The following MECOM variants were observed in gnomAD, a reference collection of about 807,000 sequenced individuals.
MECOM encodes histone-lysine N-methyltransferase MECOM.
A neutral mutation model predicts 116.3 loss-of-function variants in MECOM; 13 were observed. That is an observed-to-expected ratio of 0.11 (90% CI 0.07 to 0.18). MECOM has a LOEUF of 0.18. MECOM is among the 10% of genes least tolerant of loss of function. The pLI is 1.00. For synonymous variants in MECOM, 528 were observed against 535.2 expected (o/e 0.99, Z 0.19); for missense variants, 1,299 against 1,509.0 (o/e 0.86, Z 2.31).
chr3:169,600,032 T>C (rs1268950512), intron 1 of MECOM, among the ~76,000 whole-genome samples: 2 of 152,082 alleles, frequency 1.3e-5, no homozygotes, highest in African/African-American at 4.8e-5. Flanking sequence ...AGTGCAGTGG[T>C]GCAATTTCAG....
At chr3:169,346,732 C>G (rs142377975) in intron 2 of MECOM, among the ~76,000 whole-genome samples, 2 of 152,026 alleles carry the variant, frequency 1.3e-5, no homozygotes, top group African/African-American at 4.8e-5. Flanking sequence ...CTCCAAGACA[C>G]TACTTAGTTA....
intron 2 of MECOM, chr3:169,145,133 G>T (rs1739397189): frequency 2.5e-6 from 2 of 804,408 alleles, no homozygotes; most frequent in African/African-American, 3.6e-5. Flanking sequence ...ATAAGATAGG[G>T]ATATTATTAA....
chr3:169,538,321 C>T (rs1179245304), intron 1 of MECOM, among the ~76,000 whole-genome samples: 3 of 152,148 alleles, frequency 2.0e-5, no homozygotes, highest in Non-Finnish European at 2.9e-5. Context: ...CCAAGGTATA[C>T]TTTTTTTGTG....
Position 169,257,594 on chromosome 3 carries a change from GCA to G in MECOM, c.376-113764_376-113763del, listed in dbSNP as rs56964345. Among the ~76,000 whole-genome samples the G allele has an allele frequency of 4.3e-3, 661 of 152,212 alleles. 11 individuals are homozygous for G. The highest frequency in any genetic ancestry group is 0.015 in the African/African-American group (639 of 41,534). ...AATCCCCAAATTCTGTGAAATTTTT[GCA>G]CAGTTTTTAGGTTCTAATTCTTCCT... On this transcript the variant is annotated intron_variant, in intron 2 of 16. Transcript: ENST00000651503.
At chr3:169,153,603 A>G (rs554497167) in intron 2 of MECOM, among the ~76,000 whole-genome samples, 47 of 152,312 alleles carry the variant, frequency 3.1e-4, no homozygotes, top group Middle Eastern at 3.4e-3. Context: ...CAATAACTCC[A>G]GGATCAGATT....
At chr3:169,096,445 A>AT (rs1393951122) in intron 12 of MECOM, among the ~76,000 whole-genome samples, 1 of 151,776 alleles carries the variant, frequency 6.6e-6, no homozygotes, top group African/African-American at 2.4e-5. Flanking sequence ...TAATTTTTGT[A>AT]TTTTTGTAGA....
chr3:169,512,467 C>T (rs1291538211), intron 1 of MECOM, among the ~76,000 whole-genome samples: 1 of 152,190 alleles, frequency 6.6e-6, no homozygotes, highest in Non-Finnish European at 1.5e-5. Flanking sequence ...AAGAACAAAT[C>T]TCCTCCAGGG....
chr3:169,483,823 A>G, intron 1 of MECOM: 2 of 1,611,908 alleles, frequency 1.2e-6, no homozygotes, highest in South Asian at 1.1e-5. Flanking sequence ...TACCTTTTGG[A>G]GAAAGGCACC....
chr3:169,453,097 T>C (rs1047572912), intron 1 of MECOM, among the ~76,000 whole-genome samples: 1 of 152,180 alleles, frequency 6.6e-6, no homozygotes, highest in Non-Finnish European at 1.5e-5. Context: ...CTTAAAACAA[T>C]TGAAAGTCAC....
At chr3:169,497,765 A>T (rs1441243114) in intron 1 of MECOM, among the ~76,000 whole-genome samples, 5 of 152,206 alleles carry the variant, frequency 3.3e-5, no homozygotes, top group Non-Finnish European at 7.3e-5. Context: ...ATGGCTTCTC[A>T]TTATGTCTAA....
intron 1 of MECOM, among the ~76,000 whole-genome samples, chr3:169,626,286 C>G (rs771049698): frequency 6.6e-6 from 1 of 152,174 alleles, no homozygotes; most frequent in African/African-American, 2.4e-5. Flanking sequence ...GGAATTCTCA[C>G]GGTAATATGT....
intron 2 of MECOM, among the ~76,000 whole-genome samples, chr3:169,371,398 G>A (rs1055484181): frequency 2.0e-5 from 3 of 151,694 alleles, no homozygotes; most frequent in Non-Finnish European, 4.4e-5. Context: ...GTACAAACTG[G>A]CACTTGTAAG....
At chr3:169,578,961 A>G (rs1360920309) in intron 1 of MECOM, among the ~76,000 whole-genome samples, 2 of 152,188 alleles carry the variant, frequency 1.3e-5, no homozygotes, top group Non-Finnish European at 2.9e-5. Context: ...GAAGTGTTGA[A>G]AGCTAGGGCA....
chr3:169,088,641 T>C (rs1164289689), intron 16 of MECOM, among the ~76,000 whole-genome samples: 5 of 152,114 alleles, frequency 3.3e-5, no homozygotes, highest in Non-Finnish European at 7.4e-5. Context: ...TATAATTACA[T>C]TGACAAAAGT....
At chr3:169,158,046 A>T (rs931127734) in intron 2 of MECOM, among the ~76,000 whole-genome samples, 1 of 150,690 alleles carries the variant, frequency 6.6e-6, no homozygotes, top group Non-Finnish European at 1.5e-5. Context: ...ATTGTGCCTT[A>T]TACAATTTTA....
chr3:169,280,890 G>A (rs1711803179), intron 2 of MECOM, among the ~76,000 whole-genome samples: 1 of 152,188 alleles, frequency 6.6e-6, no homozygotes, highest in South Asian at 2.1e-4. Context: ...AGCAGCAGAA[G>A]TGAAATCGAG....
chr3:169,597,675 C>G (rs905576698), intron 1 of MECOM, among the ~76,000 whole-genome samples: 1 of 152,182 alleles, frequency 6.6e-6, no homozygotes, highest in African/African-American at 2.4e-5. Flanking sequence ...CATTTGACCA[C>G]TCTGGGTGAT....
intron 2 of MECOM, among the ~76,000 whole-genome samples, chr3:169,321,400 C>G (rs1720829669): frequency 6.6e-6 from 1 of 152,060 alleles, no homozygotes; most frequent in African/African-American, 2.4e-5. Context: ...ATTAGCTGGG[C>G]ATGGTGGCAC....
rs1560198682 is a variant in MECOM at position 169,378,575 on chromosome 3, AAAGAAAGAAAGTAAGTAAGT to A, written c.375+2592_375+2611del. ...GAAAGAAAGAAAGAAAGAAAGAAAG[AAAGAAAGAAAGTAAGTAAGT>A]AAGTTTGGGGACTTAATACAATATG... On this transcript the variant is annotated intron_variant, in intron 2 of 16. Coordinates refer to ENST00000651503, the MANE Select transcript of MECOM (RefSeq NM_004991.4). 2.5e-4 allele frequency among the ~76,000 whole-genome samples: 28 copies of A among 112,460 alleles called. 1 individual carries two copies. The highest frequency in any genetic ancestry group is 6.3e-4 in the African/African-American group (18 of 28,732). 73.8% of individuals were successfully genotyped at this position (112,460 alleles called of 152,430 possible).
Sources: allele counts gnomAD v4.1 joint callset (sites outside exome capture counted in the v4.1 genomes callset), GRCh38; gene constraint gnomAD v4.1.1; transcripts MANE v1.5; gene names NCBI Gene and HGNC (gene_info 2026-07-23, HGNC 2026-07-21).